The following OR51B5 variants were observed in gnomAD, a reference collection of about 807,000 sequenced individuals.
OR51B5 encodes the protein olfactory receptor 51B5.
For missense variants in OR51B5, 456 were observed against 374.6 expected (o/e 1.22, Z -1.79); for synonymous variants, 186 against 144.8 (o/e 1.28, Z -2.04).
chr11:5,413,582 G>T (rs1159969765), intron 1 of OR51B5, among the ~76,000 whole-genome samples: 2 of 152,268 alleles, frequency 1.3e-5, no homozygotes, highest in East Asian at 3.9e-4. Flanking sequence ...ACAGAGAAGT[G>T]CTTAAAGGAG....
At chr11:5,411,188 C>T (rs748110485) in intron 1 of OR51B5, among the ~76,000 whole-genome samples, 3 of 152,168 alleles carry the variant, frequency 2.0e-5, no homozygotes, top group Non-Finnish European at 4.4e-5. Context: ...ATGGTACATG[C>T]CCTATTCAGG....
At chr11:5,458,536 T>A (rs1281649547) in intron 1 of OR51B5, among the ~76,000 whole-genome samples, 1 of 152,236 alleles carries the variant, frequency 6.6e-6, no homozygotes, top group African/African-American at 2.4e-5. Flanking sequence ...AATCTCTGAA[T>A]TGCTTTGGGC....
intron 1 of OR51B5, among the ~76,000 whole-genome samples, chr11:5,396,552 T>G (rs368565001): frequency 1.3e-5 from 2 of 151,094 alleles, no homozygotes; most frequent in Non-Finnish European, 3.0e-5. Context: ...CTCAAGGAAA[T>G]AAGATACAAA....
chr11:5,342,794 C>A (rs772597393), exon 1 of OR51B5: 1 of 1,613,304 alleles, frequency 6.2e-7, no homozygotes, highest in Non-Finnish European at 8.5e-7. Flanking sequence ...CAGGACACAG[C>A]AGATATGGGA....
intron 1 of OR51B5, among the ~76,000 whole-genome samples, chr11:5,384,622 A>G (rs1424377263): frequency 1.3e-5 from 2 of 152,160 alleles, no homozygotes; most frequent in Admixed American, 6.5e-5. Flanking sequence ...TCTGGTCTCT[A>G]TACTCTTTCC....
At chr11:5,461,507 G>A (rs1244760522) in intron 1 of OR51B5, among the ~76,000 whole-genome samples, 1 of 152,148 alleles carries the variant, frequency 6.6e-6, no homozygotes, top group African/African-American at 2.4e-5. Flanking sequence ...GGGCAAGAGA[G>A]CTCTGCTCTC....
intron 1 of OR51B5, among the ~76,000 whole-genome samples, chr11:5,377,645 C>A (rs1849547877): frequency 6.6e-6 from 1 of 152,106 alleles, no homozygotes; most frequent in Non-Finnish European, 1.5e-5. Context: ...GCAAAAATCA[C>A]AAGCATTCTT....
At chr11:5,352,524 GAA>G (rs1457110753) in intron 1 of OR51B5, 1 of 871,256 alleles carries the variant, frequency 1.1e-6, no homozygotes, top group East Asian at 2.4e-5. Flanking sequence ...AGTAACTAGG[GAA>G]AGTCATTTCA....
At chr11:5,359,169 A>C (rs1398986382) in intron 1 of OR51B5, among the ~76,000 whole-genome samples, 2 of 152,052 alleles carry the variant, frequency 1.3e-5, no homozygotes, top group Non-Finnish European at 2.9e-5. Context: ...GAAGGAAAAA[A>C]AGGTATTCAA....
At chr11:5,357,201 A>G (rs1849207364) in intron 1 of OR51B5, among the ~76,000 whole-genome samples, 1 of 152,134 alleles carries the variant, frequency 6.6e-6, no homozygotes. Context: ...AAGAGTCAAG[A>G]CCCATCAGTG....
chr11:5,493,073 A>G (rs979750013), intron 1 of OR51B5, among the ~76,000 whole-genome samples: 9 of 152,234 alleles, frequency 5.9e-5, no homozygotes, highest in Non-Finnish European at 8.8e-5. Context: ...GGCTGAATGG[A>G]AAAGACATTG....
At position 5,483,572 on chromosome 11, in the gene OR51B5, A is replaced by C. The variant is rs539492857; in HGVS notation, n.84+21997T>G. ...GTACAGCTAAAAAAAAAAAGAAGAG[A>C]AAAGGAAGACAAGGAAAGAAGTGAA... On this transcript the variant is annotated intron_variant and non_coding_transcript_variant, in intron 1 of 4. Transcript: ENST00000415970. Among the ~76,000 whole-genome samples the C allele has an allele frequency of 3.3e-5, 5 of 151,904 alleles. No homozygotes were observed. In the South Asian group the frequency reaches 8.4e-4, roughly 25 times the overall value.
chr11:5,434,738 G>T, intron 1 of OR51B5, among the ~76,000 whole-genome samples: 1 of 152,132 alleles, frequency 6.6e-6, no homozygotes, highest in Non-Finnish European at 1.5e-5. Flanking sequence ...CAACCAGAGG[G>T]GCAATTTCTT....
Position 5,394,770 on chromosome 11 carries a change from C to G in OR51B5, n.85-47860G>C, listed in dbSNP as rs190613859. On this transcript the variant is annotated intron_variant and non_coding_transcript_variant, in intron 1 of 4. Transcript: ENST00000415970. ...AGCCTGTTTTTGCTTCATCAGGGGA[C>G]GTTAGTTTTTTTCACATCAACCTCC... Among the ~76,000 whole-genome samples, 9 of 152,222 alleles carry G rather than the reference C, an allele frequency of 5.9e-5. No individual in the cohort carries two copies. The East Asian group carries it at 1.5e-3, about 26-fold the overall frequency.
At chr11:5,465,699 C>T (rs1009383775) in intron 1 of OR51B5, among the ~76,000 whole-genome samples, 1 of 142,446 alleles carries the variant, frequency 7.0e-6, no homozygotes, top group Non-Finnish European at 1.5e-5. Flanking sequence ...GAAAAACAAG[C>T]AATGGAGAAA....
At chr11:5,440,971 G>A in intron 1 of OR51B5, 3 of 1,613,966 alleles carry the variant, frequency 1.9e-6, no homozygotes, top group Non-Finnish European at 2.5e-6. Context: ...TCTGGATGGA[G>A]ACAGTAGGAG....
intron 1 of OR51B5, chr11:5,402,906 G>A: frequency 2.1e-6 from 1 of 471,242 alleles, no homozygotes; most frequent in Non-Finnish European, 4.4e-6. Flanking sequence ...TCTTTTTCCA[G>A]ATGTTCTCCA....
At chr11:5,463,010 C>T (rs1370591287) in intron 1 of OR51B5, among the ~76,000 whole-genome samples, 1 of 152,164 alleles carries the variant, frequency 6.6e-6, no homozygotes, top group Non-Finnish European at 1.5e-5. Flanking sequence ...AATAGTAACT[C>T]GACACTTATG....
At chr11:5,403,532 A>C in intron 1 of OR51B5, 1 of 471,132 alleles carries the variant, frequency 2.1e-6, no homozygotes, top group South Asian at 1.5e-5. Context: ...TATTAGAGAA[A>C]AGACGCAGAG....
Sources: gnomAD v4.1 joint callset for allele counts (sites outside exome capture counted in the v4.1 genomes callset) on GRCh38, gnomAD v4.1.1 for gene constraint, MANE v1.5 for transcripts, NCBI Gene and HGNC (gene_info 2026-07-23, HGNC 2026-07-21) for gene names.